The following WWOX variants were observed in gnomAD, a reference collection of about 807,000 sequenced individuals.
The protein encoded by WWOX is WW domain containing oxidoreductase, also known as WW domain-containing oxidoreductase.
A neutral mutation model predicts 46.2 loss-of-function variants in WWOX; 69 were observed. The observed-to-expected ratio is 1.49, with a 90% CI of 1.23 to 1.82. The LOEUF (loss-of-function observed/expected upper bound fraction) is 1.82, where lower values mean the gene tolerates loss of function less well. WWOX is among the 40% of genes most tolerant of loss of function. The probability of loss-of-function intolerance (pLI) is 0.00; values close to 1 mark genes in which losing one functional copy is unlikely to be tolerated. For synonymous variants in WWOX, 359 were observed against 202.6 expected, an observed-to-expected ratio of 1.77 and a Z score of -6.56; for missense variants, 919 against 542.6, an observed-to-expected ratio of 1.69 and a Z score of -6.89.
chr16:78,896,543 G>A (rs1415423481), intron 8 of WWOX: 2 of 152,162 alleles, frequency 1.3e-5, no homozygotes, highest in Non-Finnish European at 2.9e-5. Flanking sequence ...TAGCTAATGA[G>A]AAGCAAACGC....
intron 8 of WWOX, among the ~76,000 whole-genome samples, chr16:78,569,373 C>A (rs747556403): frequency 1.3e-5 from 2 of 152,152 alleles, no homozygotes; most frequent in African/African-American, 2.4e-5. Flanking sequence ...TTTAAAATAT[C>A]ACTGTTTTGT....
chr16:79,046,523 A>T (rs2048068371), intron 8 of WWOX, among the ~76,000 whole-genome samples: 1 of 152,174 alleles, frequency 6.6e-6, no homozygotes, highest in Non-Finnish European at 1.5e-5. Flanking sequence ...TGATTCATAG[A>T]TGTCTGCCCT....
intron 8 of WWOX, among the ~76,000 whole-genome samples, chr16:78,677,171 G>A (rs2047621223): frequency 6.6e-6 from 1 of 151,946 alleles, no homozygotes; most frequent in South Asian, 2.1e-4. Context: ...CTGTCCCCTG[G>A]GCAGGTGCAT....
chr16:78,455,817 G>T (rs1347940767), intron 8 of WWOX, among the ~76,000 whole-genome samples: 1 of 150,686 alleles, frequency 6.6e-6, no homozygotes, highest in Non-Finnish European at 1.5e-5. Context: ...GGCCACCAAG[G>T]ACCTCATGTT....
intron 8 of WWOX, chr16:78,780,582 T>G (rs1257896809): frequency 1.3e-5 from 2 of 152,220 alleles, no homozygotes; most frequent in African/African-American, 4.8e-5. Context: ...CTGGTCCTTG[T>G]GGAAGCAACT....
intron 8 of WWOX, among the ~76,000 whole-genome samples, chr16:78,713,322 C>G (rs1261851202): frequency 7.8e-6 from 1 of 127,876 alleles, no homozygotes; most frequent in Non-Finnish European, 1.6e-5. Context: ...CACCCCAAAA[C>G]TTCTAGACAG....
In WWOX at chr16:78,974,343, A is replaced by G. The variant is rs370883447; in HGVS notation, c.1057-237265A>G. Among the ~76,000 whole-genome samples the G allele has an allele frequency of 1.4e-4, 22 of 152,320 alleles. 1 individual carries two copies. The highest frequency in any genetic ancestry group is 5.1e-4 in the African/African-American group (21 of 41,574). ...ATAAAGCAGGGGAATTTTGTGTGTC[A>G]CATCAATAAACATCTTAATTGAACA... On this transcript the variant is annotated intron_variant, in intron 8 of 8. Transcript: ENST00000566780.
intron 8 of WWOX, among the ~76,000 whole-genome samples, chr16:78,907,923 AC>A (rs1184432890): frequency 6.6e-6 from 1 of 152,148 alleles, no homozygotes; most frequent in East Asian, 1.9e-4. Context: ...GGCTTTGGTG[AC>A]CCCAGTGAAC....
intron 8 of WWOX, among the ~76,000 whole-genome samples, chr16:79,152,088 C>G (rs555091281): frequency 6.6e-6 from 1 of 152,204 alleles, no homozygotes; most frequent in Non-Finnish European, 1.5e-5. Flanking sequence ...TCCTCTAATA[C>G]TATTGAGAAG....
intron 4 of WWOX, among the ~76,000 whole-genome samples, chr16:78,140,004 G>C (rs950903296): frequency 8.5e-5 from 13 of 152,140 alleles, no homozygotes; most frequent in African/African-American, 2.9e-4. Flanking sequence ...TTTTGGGTTT[G>C]CACATGTGCA....
intron 8 of WWOX, among the ~76,000 whole-genome samples, chr16:79,140,776 C>A (rs920613335): frequency 1.3e-5 from 2 of 152,162 alleles, no homozygotes; most frequent in African/African-American, 4.8e-5. Context: ...AGAGGCAAGT[C>A]TGCTTGTTTC....
intron 7 of WWOX, among the ~76,000 whole-genome samples, chr16:78,426,038 G>T (rs1194977299): frequency 6.6e-6 from 1 of 152,154 alleles, no homozygotes; most frequent in African/African-American, 2.4e-5. Context: ...GGGGCTTATG[G>T]TATAAGTGAC....
chr16:78,860,442 A>G (rs760472569), intron 8 of WWOX, among the ~76,000 whole-genome samples: 2 of 152,178 alleles, frequency 1.3e-5, no homozygotes, highest in Non-Finnish European at 2.9e-5. Context: ...GAAGATCACA[A>G]TGAATTGGCT....
At chr16:79,208,641 T>TTA (rs1555547023) in intron 8 of WWOX, among the ~76,000 whole-genome samples, 1 of 151,344 alleles carries the variant, frequency 6.6e-6, no homozygotes, top group African/African-American at 2.4e-5. Flanking sequence ...ATTTTTTTTT[T>TTA]AATCAGTTTA....
At chr16:78,937,158 T>C (rs2151288369) in intron 8 of WWOX, among the ~76,000 whole-genome samples, 1 of 152,268 alleles carries the variant, frequency 6.6e-6, no homozygotes, top group Non-Finnish European at 1.5e-5. Flanking sequence ...ATATCAAATT[T>C]CCATCAAGAG....
At chr16:78,529,617 C>A (rs932426338) in intron 8 of WWOX, among the ~76,000 whole-genome samples, 3 of 152,042 alleles carry the variant, frequency 2.0e-5, no homozygotes, top group Admixed American at 6.6e-5. Flanking sequence ...CAGGTGCATG[C>A]CATCACACCT....
At chr16:79,036,366 G>A (rs2047866471) in intron 8 of WWOX, among the ~76,000 whole-genome samples, 1 of 152,138 alleles carries the variant, frequency 6.6e-6, no homozygotes, top group South Asian at 2.1e-4. Flanking sequence ...TACCCTTTAT[G>A]TTCAACTTTG....
chr16:79,104,330 A>G (rs903078852), intron 8 of WWOX, among the ~76,000 whole-genome samples: 1 of 152,208 alleles, frequency 6.6e-6, no homozygotes, highest in Non-Finnish European at 1.5e-5. Context: ...TTCATAAGAC[A>G]CATCATTTTC....
intron 8 of WWOX, among the ~76,000 whole-genome samples, chr16:78,832,781 T>A (rs2051867321): frequency 6.6e-6 from 1 of 152,166 alleles, no homozygotes; most frequent in Non-Finnish European, 1.5e-5. Flanking sequence ...GAGGCGCCTT[T>A]ACAGAGGAAA....
Sources: gnomAD v4.1 joint callset for allele counts (sites outside exome capture counted in the v4.1 genomes callset) on GRCh38, gnomAD v4.1.1 for gene constraint, MANE v1.5 for transcripts, NCBI Gene and HGNC (gene_info 2026-07-23, HGNC 2026-07-21) for gene names.